Variants in PRSS23 observed in about 807,000 individuals in gnomAD.
The protein encoded by PRSS23 is protease, serine 23.
In PRSS23, 25 loss-of-function variants were observed where a neutral mutation model predicts 34.7. The observed-to-expected ratio is 0.72, with a 90% CI of 0.53 to 1.01. The LOEUF is 1.01. PRSS23 is among the 50% of genes least tolerant of loss of function. The probability of loss-of-function intolerance (pLI) is 0.00; values close to 1 mark genes in which losing one functional copy is unlikely to be tolerated. For synonymous variants in PRSS23, 176 were observed against 186.6 expected, an observed-to-expected ratio of 0.94 and a Z score of 0.46; for missense variants, 445 against 475.6, an observed-to-expected ratio of 0.94 and a Z score of 0.60.
At chr11:86,826,888 G>A (rs1357201825) in intron 2 of PRSS23, among the ~76,000 whole-genome samples, 1 of 152,104 alleles carries the variant, frequency 6.6e-6, no homozygotes. Flanking sequence ...TGCTGGATTT[G>A]GTTTGCCAGT....
At chr11:86,945,196 C>A (rs1355120677) in intron 2 of PRSS23, among the ~76,000 whole-genome samples, 1 of 151,556 alleles carries the variant, frequency 6.6e-6, no homozygotes, top group African/African-American at 2.4e-5. Flanking sequence ...CAAACAGAAC[C>A]ACTGGGTAGC....
chr11:86,949,670 A>C (rs1187485000), intron 2 of PRSS23: 1 of 152,676 alleles, frequency 6.5e-6, no homozygotes, highest in Non-Finnish European at 1.5e-5. Context: ...CGTATGCATA[A>C]ATTTTAAAAG....
At chr11:86,853,956 G>T (rs1023728631) in intron 2 of PRSS23, among the ~76,000 whole-genome samples, 4 of 152,044 alleles carry the variant, frequency 2.6e-5, no homozygotes, top group Non-Finnish European at 5.9e-5. Flanking sequence ...ACTTCCTTAA[G>T]ATTAGCGATT....
At chr11:86,939,794 G>A (rs556769246) in intron 2 of PRSS23, among the ~76,000 whole-genome samples, 104 of 134,294 alleles carry the variant, frequency 7.7e-4, no homozygotes, top group African/African-American at 2.6e-3. Flanking sequence ...TGGGTGGGGG[G>A]GACACACAAA....
At chr11:86,928,085 T>G (rs1949093675) in intron 2 of PRSS23, among the ~76,000 whole-genome samples, 1 of 150,640 alleles carries the variant, frequency 6.6e-6, no homozygotes, top group South Asian at 2.1e-4. Flanking sequence ...TGTATGTATA[T>G]GTATATATGT....
chr11:86,915,150 G>C (rs902473108), intron 2 of PRSS23, among the ~76,000 whole-genome samples: 46 of 152,150 alleles, frequency 3.0e-4, no homozygotes, highest in Admixed American at 3.0e-3. Flanking sequence ...ATTTTACTAA[G>C]AGGCCAGGGG....
intron 2 of PRSS23, among the ~76,000 whole-genome samples, chr11:86,871,379 C>G (rs897887142): frequency 6.6e-6 from 1 of 152,154 alleles, no homozygotes; most frequent in South Asian, 2.1e-4. Context: ...CTCAGCTCAC[C>G]AGGAACTCTT....
chr11:86,920,188 A>G (rs557515844), intron 2 of PRSS23, among the ~76,000 whole-genome samples: 1 of 152,342 alleles, frequency 6.6e-6, no homozygotes, highest in African/African-American at 2.4e-5. Flanking sequence ...CGAATTTGTA[A>G]AATTATCAGA....
intron 2 of PRSS23, among the ~76,000 whole-genome samples, chr11:86,891,978 A>G (rs1948844605): frequency 6.6e-6 from 1 of 152,188 alleles, no homozygotes; most frequent in Non-Finnish European, 1.5e-5. Flanking sequence ...TTTATAAATG[A>G]CCTAGTCTCA....
chr11:86,832,901 G>C, intron 2 of PRSS23: 1 of 342,116 alleles, frequency 2.9e-6, no homozygotes, highest in South Asian at 2.4e-5. Context: ...CGCAAGGTGT[G>C]GGAGTTGAGA....
upstream of PRSS23, chr11:86,800,452 G>T (rs528502340): frequency 1.0e-6 from 1 of 983,868 alleles, no homozygotes; most frequent in Admixed American, 6.2e-5. Flanking sequence ...CGTCCGCGCG[G>T]CTTCCCCGAG....
Position 86,807,688 on chromosome 11 carries a change from C to T in PRSS23, c.45C>T (p.Leu15=). ...PGLLFLLFFL[L]CAVGQVSPYS... Reference sequence around the variant, plus strand: ...TCCTCTTCCTTCTCTTCTTTCTGCTCTGTGCTGTTGGGCAAGTGAGCCCTT... The same window carrying T: ...TCCTCTTCCTTCTCTTCTTTCTGCTTTGTGCTGTTGGGCAAGTGAGCCCTT... The change falls in exon 2 of 2, where the codon CTC becomes CTT. Residue 15 remains leucine, a synonymous_variant. Coordinates refer to ENST00000280258, the MANE Select transcript of PRSS23 (RefSeq NM_007173.6). The T allele has an allele frequency of 6.2e-7, 1 of 1,614,010 alleles. No individual in the cohort carries two copies. Among genetic ancestry groups the T allele is most frequent in the African/African-American group, 1.3e-5 (1 of 75,024 alleles).
chr11:86,884,298 T>TTTTTG (rs1229439963), intron 2 of PRSS23, among the ~76,000 whole-genome samples: 1 of 152,128 alleles, frequency 6.6e-6, no homozygotes, highest in African/African-American at 2.4e-5. Context: ...CTCATATTTG[T>TTTTTG]TTTTGTTTTG....
Position 86,870,496 on chromosome 11 carries a change from A to G in PRSS23, c.206+46903A>G, listed in dbSNP as rs150398224. On this transcript the variant is annotated intron_variant, in intron 2 of 2. Coordinates refer to the PRSS23 transcript ENST00000533902. ...TAGAACAGGCATGGAGGGGAGGGGT[A>G]GACAAATAAGTCAGGAAAAGCTTCT... Among the ~76,000 whole-genome samples the G allele has an allele frequency of 3.4e-4, 52 of 152,326 alleles. No homozygotes were observed. The East Asian group carries it at 9.4e-3, about 28-fold the overall frequency.
At chr11:86,912,153 G>A (rs575044496) in intron 2 of PRSS23, 1 of 152,238 alleles carries the variant, frequency 6.6e-6, no homozygotes, top group Admixed American at 6.5e-5. Flanking sequence ...GTGATAAGCA[G>A]AAAAAGACAA....
At chr11:86,821,766 C>G (rs1948253795) in intron 1 of PRSS23, 2 of 1,216,198 alleles carry the variant, frequency 1.6e-6, no homozygotes, top group Non-Finnish European at 2.3e-6. Context: ...TATAAAAATC[C>G]TGTGCCCAGC....
chr11:86,870,611 T>G (rs1708109170), intron 2 of PRSS23, among the ~76,000 whole-genome samples: 1 of 152,222 alleles, frequency 6.6e-6, no homozygotes, highest in East Asian at 1.9e-4. Flanking sequence ...TTTCATACTC[T>G]TCAGGGATTC....
At chr11:86,873,235 T>TATATATATAC (rs368142419) in intron 2 of PRSS23, among the ~76,000 whole-genome samples, 2 of 135,462 alleles carry the variant, frequency 1.5e-5, no homozygotes, top group African/African-American at 2.9e-5. Flanking sequence ...TATATATATA[T>TATATATATAC]ACACACACAC....
chr11:86,861,441 G>A (rs901850814), intron 2 of PRSS23, among the ~76,000 whole-genome samples: 1 of 151,740 alleles, frequency 6.6e-6, no homozygotes, highest in Admixed American at 6.6e-5. Flanking sequence ...GCACCTCTCT[G>A]TGACAGCGTT....
Sources: allele counts gnomAD v4.1 joint callset (sites outside exome capture counted in the v4.1 genomes callset), GRCh38; gene constraint gnomAD v4.1.1; transcripts MANE v1.5; gene names NCBI Gene and HGNC (gene_info 2026-07-23, HGNC 2026-07-21).